Variants in C1QTNF9 observed in about 807,000 individuals in gnomAD.
The protein encoded by C1QTNF9 is C1q and TNF related 9.
Under a neutral mutation model 10.1 loss-of-function variants are expected in C1QTNF9, and 6 were observed. The observed-to-expected ratio is 0.59, with a 90% CI of 0.32 to 1.17. The LOEUF is 1.17. Among genes scored for constraint, C1QTNF9 ranks in the 50% most tolerant of loss-of-function variants. C1QTNF9 has a pLI of 0.04. For missense variants in C1QTNF9, 201 were observed against 418.8 expected (o/e 0.48, Z 4.54); for synonymous variants, 98 against 163.5 (o/e 0.60, Z 3.06).
chr13:24,320,649 T>G (rs1290380703), intron 3 of C1QTNF9, among the ~76,000 whole-genome samples: 4 of 152,202 alleles, frequency 2.6e-5, no homozygotes, highest in Admixed American at 6.5e-5. Flanking sequence ...CCTCCCAAAG[T>G]GCTAGGATTA....
intron 2 of C1QTNF9, among the ~76,000 whole-genome samples, chr13:24,317,865 G>T (rs1593535244): frequency 6.6e-6 from 1 of 151,154 alleles, no homozygotes; most frequent in Non-Finnish European, 1.5e-5. Context: ...GGAGGGGAGG[G>T]GAGCGCAGGG....
chr13:24,316,041 G>T, exon 2 of C1QTNF9: 1 of 1,613,708 alleles, frequency 6.2e-7, no homozygotes, highest in Non-Finnish European at 8.5e-7. Flanking sequence ...ATTGAAATCT[G>T]CACAGGGAAC....
At chr13:24,311,218 T>C (rs1262423958) in intron 1 of C1QTNF9, among the ~76,000 whole-genome samples, 2 of 152,282 alleles carry the variant, frequency 1.3e-5, no homozygotes, top group Non-Finnish European at 2.9e-5. Context: ...ATGATGTTCT[T>C]GGAGAAAATT....
intron 3 of C1QTNF9, among the ~76,000 whole-genome samples, chr13:24,320,028 G>A (rs996173154): frequency 6.6e-6 from 1 of 152,192 alleles, no homozygotes; most frequent in African/African-American, 2.4e-5. Flanking sequence ...CAAGGAAGCA[G>A]CAAGGTTTCT....
intron 1 of C1QTNF9, among the ~76,000 whole-genome samples, chr13:24,314,003 A>G (rs1291717456): frequency 2.0e-5 from 3 of 152,216 alleles, no homozygotes; most frequent in Non-Finnish European, 4.4e-5. Flanking sequence ...GTTACATAGT[A>G]TGTAGTATGC....
At chr13:24,316,137 G>A (rs746591255) in exon 2 of C1QTNF9, 6 of 1,609,206 alleles carry the variant, frequency 3.7e-6, no homozygotes, top group East Asian at 4.5e-5. Flanking sequence ...AGAGATGGAC[G>A]AGACGGAGCG....
At chr13:24,314,820 G>A (rs899680676) in intron 1 of C1QTNF9, among the ~76,000 whole-genome samples, 3 of 151,658 alleles carry the variant, frequency 2.0e-5, no homozygotes, top group Admixed American at 6.6e-5. Flanking sequence ...TTCAGCCTGC[G>A]TGATGGAGCA....
At chr13:24,318,041 G>A (rs536311339) in intron 2 of C1QTNF9, among the ~76,000 whole-genome samples, 2 of 152,132 alleles carry the variant, frequency 1.3e-5, no homozygotes, top group African/African-American at 4.8e-5. Context: ...TGCCCCTGTC[G>A]CCCCACAGCC....
At chr13:24,321,185 G>A in exon 4 of C1QTNF9, 1 of 1,386,374 alleles carries the variant, frequency 7.2e-7, no homozygotes, top group Non-Finnish European at 9.6e-7. Context: ...GGGCCAAGGG[G>A]CAACATTGGG....
chr13:24,311,196 AG>A (rs1253364680), intron 1 of C1QTNF9, among the ~76,000 whole-genome samples: 5 of 152,196 alleles, frequency 3.3e-5, no homozygotes, highest in African/African-American at 1.2e-4. Context: ...CCTTGGCTGT[AG>A]AATTAAGGAT....
At chr13:24,315,714 GA>G (rs1877995247) in intron 1 of C1QTNF9, 1 of 507,310 alleles carries the variant, frequency 2.0e-6, no homozygotes, top group Non-Finnish European at 3.5e-6. Flanking sequence ...ATGATGAACG[GA>G]AGAGTATCCT....
At chr13:24,312,678 C>T (rs749071705) in intron 1 of C1QTNF9, among the ~76,000 whole-genome samples, 2 of 151,986 alleles carry the variant, frequency 1.3e-5, no homozygotes, top group African/African-American at 4.8e-5. Context: ...GCCAAGCGGC[C>T]GTGTGCAGTG....
intron 3 of C1QTNF9, 114 bp downstream of exon 3, chr13:24,318,994 C>T: frequency 6.9e-7 from 1 of 1,447,234 alleles, no homozygotes; most frequent in South Asian, 1.2e-5. Context: ...CAACACAGTT[C>T]TTACTCTCCA....
intron 1 of C1QTNF9, among the ~76,000 whole-genome samples, chr13:24,310,118 TC>T (rs1877754665): frequency 6.6e-6 from 1 of 152,030 alleles, no homozygotes; most frequent in Non-Finnish European, 1.5e-5. Flanking sequence ...GCTCTTGAAC[TC>T]CTGACCTTAT....
At chr13:24,316,789 G>C (rs947697517) in intron 2 of C1QTNF9, among the ~76,000 whole-genome samples, 2 of 152,206 alleles carry the variant, frequency 1.3e-5, no homozygotes, top group Non-Finnish European at 2.9e-5. Flanking sequence ...TGCCAAAGCT[G>C]AGAAGTCCGA....
chr13:24,316,712 T>C (rs974136818), intron 2 of C1QTNF9, among the ~76,000 whole-genome samples: 4 of 152,166 alleles, frequency 2.6e-5, no homozygotes, highest in African/African-American at 9.7e-5. Flanking sequence ...CTATATGACC[T>C]AGGTTGGGAC....
At chr13:24,318,668 T>C (rs1878135023) in intron 2 of C1QTNF9, 150 bp from the exon 3 acceptor site, 1 of 891,286 alleles carries the variant, frequency 1.1e-6, no homozygotes, top group Non-Finnish European at 1.8e-6. Flanking sequence ...TGCCTGCCTC[T>C]CTCCACCTGC....
At position 24,316,184 on chromosome 13, in the gene C1QTNF9, G is replaced by C. The variant is rs1878024639; in HGVS notation, c.166+15G>C. 1 of 1,547,646 alleles carries C rather than the reference G, an allele frequency of 6.5e-7. No homozygotes were observed. Among genetic ancestry groups the C allele is most frequent in the Non-Finnish European group, 8.9e-7 (1 of 1,129,068 alleles). On this transcript the variant is annotated intron_variant, in intron 2 of 3. Coordinates refer to ENST00000332018, the Ensembl canonical transcript of C1QTNF9. ...AGGCGATGCAGGTACTCACCTGACG[G>C]CTTCGGCTGCCTTTCAACTTCTCTC...
chr13:24,311,968 C>T (rs576660596), intron 1 of C1QTNF9, among the ~76,000 whole-genome samples: 3 of 152,250 alleles, frequency 2.0e-5, no homozygotes, highest in South Asian at 2.1e-4. Flanking sequence ...CCCCATGGCC[C>T]GTAATCTAGC....
Sources: gnomAD v4.1 joint callset for allele counts (sites outside exome capture counted in the v4.1 genomes callset) on GRCh38, gnomAD v4.1.1 for gene constraint, MANE v1.5 for transcripts, NCBI Gene and HGNC (gene_info 2026-07-23, HGNC 2026-07-21) for gene names.